BCL2L12: variants seen among roughly 807,000 people sequenced by gnomAD.
BCL2L12 encodes the protein BCL2 like 12.
A neutral mutation model predicts 25.7 loss-of-function variants in BCL2L12; 27 were observed. The ratio of observed to expected loss-of-function variants is 1.05; its 90% CI spans 0.78 to 1.45. The LOEUF is 1.45. Among genes scored for constraint, BCL2L12 ranks in the 40% most tolerant of loss-of-function variants. The pLI is 0.00. For missense variants in BCL2L12, 302 were observed against 329.8 expected, an observed-to-expected ratio of 0.92 and a Z score of 0.65; for synonymous variants, 132 against 145.6, an observed-to-expected ratio of 0.91 and a Z score of 0.67.
At position 49,665,959 on chromosome 19, in the gene BCL2L12, C is replaced by T. The variant is rs150028589; in HGVS notation, c.-117C>T. ...CTTTCTACGCTGGGCCGGTTATCGA[C>T]CCGGCCCAGTGCGCAGGCGCGGGAA... On this transcript the variant is annotated 5_prime_UTR_variant, in exon 1 of 7. Transcript: ENST00000246784. The T allele has an allele frequency of 2.5e-6, 4 of 1,613,528 alleles. No homozygotes were observed. The highest frequency in any genetic ancestry group is 3.4e-6 in the Non-Finnish European group (4 of 1,179,764).
At position 49,673,801 on chromosome 19, in the gene BCL2L12, G is replaced by A. The variant is rs774954639; in HGVS notation, c.*53G>A. On this transcript the variant is annotated 3_prime_UTR_variant, in exon 7 of 7. Coordinates refer to ENST00000246784, the MANE Select transcript of BCL2L12 (RefSeq NM_138639.2). ...GACACCTCATGTCCCTGCCCTCTTC[G>A]TGTGCTTTTCCAAGTCTTCCTATTC... 79 of 1,601,666 alleles carry A rather than the reference G, an allele frequency of 4.9e-5. No homozygotes were observed. In the African/African-American group the frequency reaches 5.1e-4, roughly 10 times the overall value.
chr19:49,666,941 G>A (rs2122795447), intron 2 of BCL2L12, 78 bp from the exon 3 acceptor site: 2 of 1,559,980 alleles, frequency 1.3e-6, no homozygotes, highest in Non-Finnish European at 8.7e-7. Context: ...TCCTCAGCGG[G>A]GGAGGGAGGG....
chr19:49,665,900 A>T (rs973664955), upstream of BCL2L12: 7 of 1,613,054 alleles, frequency 4.3e-6, no homozygotes, highest in Non-Finnish European at 5.9e-6. Context: ...TGGGAGCGTC[A>T]CATGCAAATT....
At chr19:49,667,232 G>T in intron 3 of BCL2L12, 71 bp downstream of exon 3, 1 of 1,571,774 alleles carries the variant, frequency 6.4e-7, no homozygotes, top group Non-Finnish European at 8.7e-7. Flanking sequence ...AGATCACTCA[G>T]CTAGGGGGTG....
rs1375291675 is a variant in BCL2L12 at position 49,667,116 on chromosome 19, C to A, written c.205C>A (p.Arg69=). 1 of 1,613,958 alleles carries A rather than the reference C, an allele frequency of 6.2e-7. No homozygotes were observed. The highest frequency in any genetic ancestry group is 8.5e-7 in the Non-Finnish European group (1 of 1,180,028). ...GRGAAPSESP[R]PCSLPIRPCY... is the part of the protein sequence containing the mutation. ...AGGAGCAGCCCCCTCTGAGTCCCCT[C>A]GGCCTTGCTCTCTGCCCATCCGCCC... The change falls in exon 3 of 7, where the codon CGG becomes AGG. Residue 69 remains arginine (R), a synonymous_variant. Transcript: ENST00000246784.
intron 2 of BCL2L12, 30 bp downstream of exon 2, chr19:49,666,829 G>A: frequency 1.3e-6 from 2 of 1,544,714 alleles, no homozygotes; most frequent in Non-Finnish European, 1.8e-6. Context: ...TCCCCCAGGG[G>A]CCAGCATTTG....
At chr19:49,668,796 G>C in intron 3 of BCL2L12, 55 bp from the exon 4 acceptor site, 1 of 1,512,850 alleles carries the variant, frequency 6.6e-7, no homozygotes, top group Middle Eastern at 2.4e-4. Flanking sequence ...GGGAAGGAGA[G>C]AATCCGTAAG....
Position 49,670,349 on chromosome 19 carries a change from C to T in BCL2L12, c.563C>T (p.Pro188Leu). The T allele has an allele frequency of 1.3e-6, 2 of 1,596,782 alleles. No individual in the cohort carries two copies. The highest frequency in any genetic ancestry group is 1.7e-6 in the Non-Finnish European group (2 of 1,173,222). The part of the protein sequence containing the change: ...PSRACPGPPP[P>L]SPEPLARLAL... Reference sequence around the variant, plus strand: ...CGAGCATGCCCCGGGCCCCCGCCTCCTTCCCCGGAGCCCCTGGCCCGCCTG... The same window carrying T: ...CGAGCATGCCCCGGGCCCCCGCCTCTTTCCCCGGAGCCCCTGGCCCGCCTG... The change falls in exon 6 of 7, where the codon CCT becomes CTT. Residue 188 changes from proline (P) to leucine (L), a missense_variant. Pro to Leu is a moderately conservative substitution (Grantham distance 98). Transcript: ENST00000246784.
At chr19:49,670,660 C>T (rs1376368163) in intron 6 of BCL2L12, among the ~76,000 whole-genome samples, 172 bp downstream of exon 6, 2 of 152,232 alleles carry the variant, frequency 1.3e-5, no homozygotes, top group Non-Finnish European at 2.9e-5. Context: ...TGAGTGCAGA[C>T]ACTATGCCTG....
At chr19:49,666,917 G>C in intron 2 of BCL2L12, 102 bp from the exon 3 acceptor site, 1 of 1,534,842 alleles carries the variant, frequency 6.5e-7, no homozygotes. Flanking sequence ...TGTCTTTGGG[G>C]TTTTGGAGAG....
chr19:49,665,861 C>A, upstream of BCL2L12: 1 of 1,609,786 alleles, frequency 6.2e-7, no homozygotes, highest in Non-Finnish European at 8.5e-7. Context: ...CCCCTATGCC[C>A]TTTTTTGGGT....
intron 3 of BCL2L12, among the ~76,000 whole-genome samples, chr19:49,668,388 T>C (rs2081873134): frequency 6.6e-6 from 1 of 152,000 alleles, no homozygotes; most frequent in African/African-American, 2.4e-5. Flanking sequence ...CGTGAGCCAC[T>C]GCGCCTGGCC....
intron 6 of BCL2L12, 61 bp downstream of exon 6, chr19:49,670,549 A>G: frequency 6.6e-7 from 1 of 1,511,104 alleles, no homozygotes; most frequent in African/African-American, 1.4e-5. Context: ...GTGATAGAGG[A>G]GGGGCGGGGA....
rs1348044269 is a variant in BCL2L12, at chr19:49,672,007, C to T, written c.702+1519C>T. On this transcript the variant is annotated intron_variant, in intron 6 of 6. Coordinates refer to ENST00000246784, the MANE Select transcript of BCL2L12 (RefSeq NM_138639.2). This position sits in a 1 kb window ranked among gnomAD's most constrained non-coding sequence, Gnocchi z 4.1. ...GGTGGAATTGACTTGTTTTACTTGT[C>T]TTCTGGTTTATTTTTCTTTGTTGGT... 6.6e-6 allele frequency: 1 copy of T among 152,316 alleles called. No individual in the cohort carries two copies. Among genetic ancestry groups the T allele is most frequent in the Non-Finnish European group, 1.5e-5 (1 of 68,056 alleles). The allele number at this position is 152,316 out of a possible 1,614,324, so 9.4% of individuals were successfully genotyped here.
intron 3 of BCL2L12, 42 bp downstream of exon 3, chr19:49,667,203 G>C (rs1362808290): frequency 1.8e-5 from 28 of 1,599,478 alleles, no homozygotes; most frequent in Non-Finnish European, 2.2e-5. Flanking sequence ...GGCAGAACAC[G>C]GGATAAGGTG....
chr19:49,666,555 A>G (rs1311735930), intron 1 of BCL2L12, 130 bp from the exon 2 acceptor site: 2 of 643,156 alleles, frequency 3.1e-6, no homozygotes, highest in Admixed American at 3.1e-5. Context: ...AGGCCCCCAG[A>G]CCCACACTCT....
At chr19:49,666,656 A>C in intron 1 of BCL2L12, 29 bp from the exon 2 acceptor site, 1 of 1,511,672 alleles carries the variant, frequency 6.6e-7, no homozygotes, top group Non-Finnish European at 8.9e-7. Context: ...AAACCCTTGG[A>C]GTCCAGTCCC....
intron 6 of BCL2L12, 49 bp from the exon 7 acceptor site, chr19:49,673,649 G>A: frequency 6.7e-7 from 1 of 1,489,502 alleles, no homozygotes; most frequent in Non-Finnish European, 9.4e-7. Context: ...CTGCTGTATG[G>A]GGGGAACACC....
intron 6 of BCL2L12, among the ~76,000 whole-genome samples, chr19:49,673,216 C>A (rs1036796984): frequency 6.6e-6 from 1 of 151,862 alleles, no homozygotes; most frequent in Non-Finnish European, 1.5e-5. Flanking sequence ...TGAGTTTTCT[C>A]GGTGGGCCAG....
Sources: gnomAD v4.1 joint callset for allele counts (sites outside exome capture counted in the v4.1 genomes callset) on GRCh38, gnomAD v4.1.1 for gene constraint, Gnocchi (gnomAD v3.1) non-coding constraint, MANE v1.5 for transcripts, NCBI Gene and HGNC (gene_info 2026-07-23, HGNC 2026-07-21) for gene names.